The following FAM171A1 variants were observed in gnomAD, a reference collection of about 807,000 sequenced individuals.
The protein encoded by FAM171A1 is family with sequence similarity 171 member A1.
A neutral mutation model predicts 74.9 loss-of-function variants in FAM171A1; 23 were observed. The ratio of observed to expected loss-of-function variants is 0.31; its 90% CI spans 0.22 to 0.44. The LOEUF is 0.44. Ranked by LOEUF, FAM171A1 falls within the 20% of genes least tolerant of loss-of-function variation. FAM171A1 has a pLI of 1.00. For synonymous variants in FAM171A1, 527 were observed against 505.7 expected (o/e 1.04, Z -0.57); for missense variants, 1,162 against 1,159.2 (o/e 1.00, Z -0.03).
chr10:15,370,180 G>A (rs1361093399), intron 1 of FAM171A1, among the ~76,000 whole-genome samples: 1 of 151,992 alleles, frequency 6.6e-6, no homozygotes, highest in Non-Finnish European at 1.5e-5. Context: ...CAGATTTGTG[G>A]AGGCCAAAGA....
intron 1 of FAM171A1, among the ~76,000 whole-genome samples, chr10:15,342,575 G>C (rs1835776851): frequency 6.6e-6 from 1 of 152,010 alleles, no homozygotes; most frequent in Non-Finnish European, 1.5e-5. Context: ...CTCAAACAGA[G>C]GCTCTGTCTC....
intron 1 of FAM171A1, among the ~76,000 whole-genome samples, chr10:15,346,508 C>G (rs1014752891): frequency 6.6e-6 from 1 of 152,178 alleles, no homozygotes; most frequent in East Asian, 1.9e-4. Flanking sequence ...CTCAAATGCT[C>G]TGAGCAAGAA....
At chr10:15,297,694 G>A (rs2131823845) in intron 1 of FAM171A1, among the ~76,000 whole-genome samples, 1 of 152,278 alleles carries the variant, frequency 6.6e-6, no homozygotes, top group Non-Finnish European at 1.5e-5. Context: ...TTTGAGTGAT[G>A]GGACATCTTT....
Position 15,295,532 on chromosome 10 carries a change from T to C in FAM171A1, c.98-11427A>G, listed in dbSNP as rs192406331. 2.0e-5 allele frequency among the ~76,000 whole-genome samples: 3 copies of C among 152,360 alleles called. No individual in the cohort carries two copies. In the East Asian group the frequency reaches 5.8e-4, roughly 29 times the overall value. On this transcript the variant is annotated intron_variant, in intron 1 of 7. Coordinates refer to ENST00000378116, the MANE Select transcript of FAM171A1 (RefSeq NM_001010924.2). ...GCTCCATTTTTTAAATTTGTTTCATTTGTTTGTTTCTGTGAAGTTTTTGGC... is the reference window on the plus strand; with the variant it reads ...GCTCCATTTTTTAAATTTGTTTCATCTGTTTGTTTCTGTGAAGTTTTTGGC...
At chr10:15,305,045 A>G (rs372280291) in intron 1 of FAM171A1, among the ~76,000 whole-genome samples, 3 of 152,126 alleles carry the variant, frequency 2.0e-5, no homozygotes, top group African/African-American at 4.8e-5. Context: ...CCAAGTAACT[A>G]TCTTCCCTGT....
At chr10:15,363,962 T>C (rs1836028032) in intron 1 of FAM171A1, among the ~76,000 whole-genome samples, 1 of 151,826 alleles carries the variant, frequency 6.6e-6, no homozygotes, top group East Asian at 1.9e-4. Context: ...GTGGGGTGCA[T>C]TTGCCTGAGA....
At chr10:15,286,313 T>C (rs1040398893) in intron 1 of FAM171A1, among the ~76,000 whole-genome samples, 1 of 152,110 alleles carries the variant, frequency 6.6e-6, no homozygotes. Context: ...GGAGTTTCAT[T>C]CTTGCCACCC....
At chr10:15,266,028 T>A (rs1346911916) in intron 3 of FAM171A1, among the ~76,000 whole-genome samples, 1 of 152,144 alleles carries the variant, frequency 6.6e-6, no homozygotes, top group Non-Finnish European at 1.5e-5. Flanking sequence ...TCAGGCCACT[T>A]GGCAGGAGTG....
intron 1 of FAM171A1, among the ~76,000 whole-genome samples, chr10:15,332,164 C>T (rs1835647173): frequency 6.6e-6 from 1 of 151,808 alleles, no homozygotes; most frequent in South Asian, 2.1e-4. Flanking sequence ...ACATGTTGCC[C>T]AGGTTGGTCT....
chr10:15,301,362 A>ATTTTTT (rs71390027), intron 1 of FAM171A1, among the ~76,000 whole-genome samples: 2 of 141,564 alleles, frequency 1.4e-5, no homozygotes, highest in Admixed American at 1.4e-4. Flanking sequence ...ATATATATAT[A>ATTTTTT]TTTTTTTTTT....
intron 6 of FAM171A1, among the ~76,000 whole-genome samples, 155 bp downstream of exon 6, chr10:15,220,789 T>C (rs1834028023): frequency 6.6e-6 from 1 of 152,168 alleles, no homozygotes; most frequent in Non-Finnish European, 1.5e-5. Flanking sequence ...CCCCGCAAAA[T>C]ACCTTCTTTA....
In FAM171A1 at chr10:15,312,673, G is replaced by GTT. The variant is rs1169098742; in HGVS notation, c.98-28570_98-28569dup. Among the ~76,000 whole-genome samples the GTT allele has an allele frequency of 2.9e-3, 105 of 36,360 alleles. 3 individuals carry two copies. The highest frequency in any genetic ancestry group is 3.7e-3 in the Non-Finnish European group (78 of 21,368). 23.9% of individuals were successfully genotyped at this position (36,360 alleles called of 152,430 possible). ...TACTGGAATGAGTTCAGCACTGTGT[G>GTT]TTTTTTTTTTTTTTTTTTTTTTTTT... On this transcript the variant is annotated intron_variant, in intron 1 of 7. Transcript: ENST00000378116.
At chr10:15,348,018 C>T (rs553830564) in intron 1 of FAM171A1, among the ~76,000 whole-genome samples, 2 of 152,198 alleles carry the variant, frequency 1.3e-5, no homozygotes, top group Admixed American at 1.3e-4. Flanking sequence ...TGTTCTGTCA[C>T]CCAGGCTGGA....
intron 5 of FAM171A1, among the ~76,000 whole-genome samples, chr10:15,243,857 TCTC>T (rs551952344): frequency 1.7e-3 from 253 of 152,188 alleles, no homozygotes; most frequent in African/African-American, 5.8e-3. Flanking sequence ...CTTACGCCAT[TCTC>T]CTGTCTCAGC....
At chr10:15,313,958 G>C (rs1835393518) in intron 1 of FAM171A1, among the ~76,000 whole-genome samples, 1 of 152,168 alleles carries the variant, frequency 6.6e-6, no homozygotes. Flanking sequence ...CCACTTCCTC[G>C]ATCTGCATAG....
chr10:15,242,532 A>T (rs534706735), intron 5 of FAM171A1, among the ~76,000 whole-genome samples: 1 of 152,372 alleles, frequency 6.6e-6, no homozygotes, highest in Non-Finnish European at 1.5e-5. Context: ...CACGCCTATA[A>T]TCCCAGCTCT....
At chr10:15,340,740 T>G (rs895394253) in intron 1 of FAM171A1, among the ~76,000 whole-genome samples, 1 of 152,148 alleles carries the variant, frequency 6.6e-6, no homozygotes, top group Admixed American at 6.5e-5. Context: ...CTGCAGGTCT[T>G]GATAGTGAGT....
At chr10:15,216,761 C>T (rs576396268) in intron 6 of FAM171A1, among the ~76,000 whole-genome samples, 4 of 150,504 alleles carry the variant, frequency 2.7e-5, no homozygotes, top group East Asian at 1.9e-4. Context: ...AGAAAATGAA[C>T]GCATGACGAT....
chr10:15,290,000 C>T (rs562029916), intron 1 of FAM171A1, among the ~76,000 whole-genome samples: 2 of 152,244 alleles, frequency 1.3e-5, no homozygotes, highest in South Asian at 2.1e-4. Flanking sequence ...GAGGCCGAGG[C>T]GGGCGGGTCA....
Sources: gnomAD v4.1 joint callset for allele counts (sites outside exome capture counted in the v4.1 genomes callset) on GRCh38, gnomAD v4.1.1 for gene constraint, MANE v1.5 for transcripts, NCBI Gene and HGNC (gene_info 2026-07-23, HGNC 2026-07-21) for gene names.